Variants in ABCA13 observed in about 807,000 individuals in gnomAD.
The protein encoded by ABCA13 is ATP-binding cassette sub-family A member 13.
ABCA13 carries 476 observed loss-of-function variants against 478.7 expected under a neutral mutation model. That is an observed-to-expected ratio of 0.99 (90% CI 0.92 to 1.07). The LOEUF (loss-of-function observed/expected upper bound fraction) is 1.07. Ranked by LOEUF, ABCA13 falls within the 50% of genes least tolerant of loss-of-function variation. The pLI is 0.00. For missense variants in ABCA13, 6,060 were observed against 5,910.6 expected, an observed-to-expected ratio of 1.03 and a Z score of -0.83; for synonymous variants, 2,252 against 2,158.9, an observed-to-expected ratio of 1.04 and a Z score of -1.20.
At chr7:48,384,955 T>C (rs1814955039) in intron 35 of ABCA13, among the ~76,000 whole-genome samples, 1 of 152,192 alleles carries the variant, frequency 6.6e-6, no homozygotes, top group South Asian at 2.1e-4. Context: ...TAGTCCTCGC[T>C]CTTGTGACTT....
At chr7:48,349,288 A>G (rs2128977565) in intron 29 of ABCA13, among the ~76,000 whole-genome samples, 1 of 152,346 alleles carries the variant, frequency 6.6e-6, no homozygotes, top group Non-Finnish European at 1.5e-5. Context: ...AGCAGTTACA[A>G]CATAATGAAT....
At chr7:48,503,014 C>T (rs1019254318) in intron 48 of ABCA13, among the ~76,000 whole-genome samples, 3 of 152,126 alleles carry the variant, frequency 2.0e-5, no homozygotes, top group Non-Finnish European at 4.4e-5. Flanking sequence ...GTTTAGTATG[C>T]AAAACATTAT....
intron 44 of ABCA13, among the ~76,000 whole-genome samples, chr7:48,469,122 T>C (rs370341570): frequency 6.6e-6 from 1 of 152,336 alleles, no homozygotes; most frequent in East Asian, 1.9e-4. Flanking sequence ...ACAAAAGTCA[T>C]AGCAAATCTT....
chr7:48,319,055 T>G (rs1563041614), intron 27 of ABCA13, among the ~76,000 whole-genome samples: 1 of 152,034 alleles, frequency 6.6e-6, no homozygotes, highest in Non-Finnish European at 1.5e-5. Flanking sequence ...GCACAGGCTG[T>G]GGGGGGCAGC....
At chr7:48,386,941 G>A (rs1815285037) in intron 35 of ABCA13, among the ~76,000 whole-genome samples, 1 of 152,154 alleles carries the variant, frequency 6.6e-6, no homozygotes, top group Non-Finnish European at 1.5e-5. Flanking sequence ...AGAGTAAACA[G>A]ACATGTCTCC....
chr7:48,309,502 T>C (rs1417712830), intron 23 of ABCA13, among the ~76,000 whole-genome samples: 1 of 151,950 alleles, frequency 6.6e-6, no homozygotes, highest in Non-Finnish European at 1.5e-5. Flanking sequence ...AATCTAAAAA[T>C]GAAGGAGCAA....
chr7:48,563,794 TTGTGTGTGTGTGTGTGTGTGTG>T (rs200813371), intron 55 of ABCA13, among the ~76,000 whole-genome samples: 1 of 101,660 alleles, frequency 9.8e-6, no homozygotes. Context: ...TGTTTACTGC[TTGTGTGTGTGTGTGTGTGTGTG>T]TGTGTGTGTG....
At chr7:48,546,335 G>T (rs1250648486) in intron 55 of ABCA13, among the ~76,000 whole-genome samples, 1 of 151,790 alleles carries the variant, frequency 6.6e-6, no homozygotes, top group African/African-American at 2.4e-5. Flanking sequence ...TGGCAGTGAT[G>T]AATTAGACCA....
At position 48,636,421 on chromosome 7, in the gene ABCA13, A is replaced by C. The variant is rs561668594; in HGVS notation, c.14838-6867A>C. 2.6e-5 allele frequency among the ~76,000 whole-genome samples: 4 copies of C among 152,356 alleles called. 1 individual carries two copies. In the South Asian group the frequency reaches 8.3e-4, roughly 32 times the overall value. ...AGATTCACTGTCTTGATTCACTTTC[A>C]TAACTCAGCTGTCACTTGGGTCTTT... On this transcript the variant is annotated intron_variant, in intron 59 of 61. Coordinates refer to ENST00000435803, the MANE Select transcript of ABCA13 (RefSeq NM_152701.5).
chr7:48,417,761 G>A (rs181788193), intron 41 of ABCA13, among the ~76,000 whole-genome samples: 1 of 152,168 alleles, frequency 6.6e-6, no homozygotes, highest in East Asian at 1.9e-4. Context: ...ATAATTCCAT[G>A]TATCTGCCAT....
intron 55 of ABCA13, among the ~76,000 whole-genome samples, chr7:48,578,730 T>C (rs888016008): frequency 6.6e-6 from 1 of 152,152 alleles, no homozygotes; most frequent in Admixed American, 6.5e-5. Flanking sequence ...AGACAAAAGA[T>C]CCATGATAGG....
intron 58 of ABCA13, among the ~76,000 whole-genome samples, chr7:48,597,350 T>A (rs918772731): frequency 2.6e-5 from 4 of 152,242 alleles, no homozygotes; most frequent in Non-Finnish European, 5.9e-5. Context: ...CCACTTTTAT[T>A]TATCCATTCA....
intron 45 of ABCA13, among the ~76,000 whole-genome samples, chr7:48,479,342 ATTC>A (rs776690407): frequency 6.6e-6 from 1 of 152,042 alleles, no homozygotes; most frequent in Non-Finnish European, 1.5e-5. Context: ...GGTTCAAGCA[ATTC>A]TTCTGCCTCA....
intron 3 of ABCA13, among the ~76,000 whole-genome samples, chr7:48,201,437 T>C (rs1798698443): frequency 7.5e-6 from 1 of 132,656 alleles, no homozygotes; most frequent in African/African-American, 2.7e-5. Context: ...CCCATGGCTG[T>C]CTCACACAGA....
chr7:48,644,654 A>G lies in ABCA13; in HGVS notation c.14981A>G (p.Lys4994Arg), dbSNP rs145694120. 4.2e-4 allele frequency: 685 copies of G among 1,612,712 alleles called. 7 individuals carry two copies. The East Asian group carries it at 0.015, about 36-fold the overall frequency. ...AATTTATTAGAATATCATGTGCCAA[A>G]AAGATGGGGATGCCTAGCTGACTTG... ...HLNLLEYHVP[K>R]RWGCLADLFK... The change falls in exon 61 of 62, where the codon AAA becomes AGA. Residue 4994 changes from lysine to arginine, a missense_variant. Lys to Arg is a conservative substitution (Grantham distance 26, BLOSUM62 2). This residue lies in a region of ABCA13 where 1,627 missense variants were observed against 1,571.0 expected (regional missense o/e 1.04). Transcript: ENST00000435803.
intron 55 of ABCA13, among the ~76,000 whole-genome samples, chr7:48,560,120 C>G (rs928425895): frequency 2.6e-5 from 4 of 152,104 alleles, no homozygotes; most frequent in Admixed American, 2.6e-4. Context: ...GTTCTAGGCT[C>G]CCTTTCAAGT....
intron 61 of ABCA13, 123 bp from the exon 62 acceptor site, chr7:48,645,294 A>G (rs1795369170): frequency 3.0e-6 from 2 of 663,102 alleles, no homozygotes; most frequent in Admixed American, 2.7e-5. Context: ...AATGGTATGA[A>G]TTAATGATCT....
chr7:48,189,825 T>A (rs1018746149), intron 1 of ABCA13, among the ~76,000 whole-genome samples: 1 of 152,124 alleles, frequency 6.6e-6, no homozygotes, highest in Non-Finnish European at 1.5e-5. Context: ...AAAAGGCAAA[T>A]ACAAAGTTGG....
intron 29 of ABCA13, among the ~76,000 whole-genome samples, chr7:48,346,759 A>G (rs1263722129): frequency 6.6e-6 from 1 of 152,190 alleles, no homozygotes; most frequent in Non-Finnish European, 1.5e-5. Flanking sequence ...CTACAGATGA[A>G]GAAAGTGAAA....
Sources: gnomAD v4.1 joint callset for allele counts (sites outside exome capture counted in the v4.1 genomes callset) on GRCh38, gnomAD v4.1.1 for gene constraint, gnomAD v4.1.1 regional missense constraint, MANE v1.5 for transcripts, NCBI Gene and HGNC (gene_info 2026-07-23, HGNC 2026-07-21) for gene names.